PCSK5: variants seen among roughly 807,000 people sequenced by gnomAD.
PCSK5 encodes the protein prohormone convertase 5.
Under a neutral mutation model 233.2 loss-of-function variants are expected in PCSK5, and 129 were observed. The ratio of observed to expected loss-of-function variants is 0.55; its 90% CI spans 0.48 to 0.64. PCSK5 has a LOEUF of 0.64. Among genes scored for constraint, PCSK5 ranks in the 30% least tolerant of loss-of-function variants. The pLI is 0.00. For missense variants in PCSK5, 2,076 were observed against 2,430.1 expected, an observed-to-expected ratio of 0.85 and a Z score of 3.06; for synonymous variants, 825 against 879.2, an observed-to-expected ratio of 0.94 and a Z score of 1.09.
At chr9:75,950,963 T>C (rs1824827609) in intron 2 of PCSK5, among the ~76,000 whole-genome samples, 1 of 152,236 alleles carries the variant, frequency 6.6e-6, no homozygotes, top group Non-Finnish European at 1.5e-5. Context: ...TGTATGATTA[T>C]AGGCAAAGCA....
Position 76,264,374 on chromosome 9 carries a change from G to A in PCSK5, c.3142+23690G>A, listed in dbSNP as rs184860233. On this transcript the variant is annotated intron_variant, in intron 24 of 37. Transcript: ENST00000674117. Reference sequence around the variant, plus strand: ...AAAATCCTAGAAGAAAACCTAGGAAGCAACATTCTGGATATGGGTCTTGGG... The same window carrying A: ...AAAATCCTAGAAGAAAACCTAGGAAACAACATTCTGGATATGGGTCTTGGG... Among the ~76,000 whole-genome samples, 1,034 of 152,168 alleles carry A rather than the reference G, an allele frequency of 6.8e-3. 9 individuals carry two copies. The highest frequency in any genetic ancestry group is 8.8e-3 in the Non-Finnish European group (601 of 67,950).
intron 10 of PCSK5, among the ~76,000 whole-genome samples, chr9:76,156,668 G>A (rs1424502830): frequency 1.3e-5 from 2 of 152,242 alleles, no homozygotes; most frequent in Non-Finnish European, 2.9e-5. Flanking sequence ...AGTTCGACCA[G>A]TGACTTGCTA....
chr9:76,047,153 A>C (rs957568165), intron 5 of PCSK5, among the ~76,000 whole-genome samples: 1 of 150,824 alleles, frequency 6.6e-6, no homozygotes, highest in Non-Finnish European at 1.5e-5. Flanking sequence ...CTGGAGTGCA[A>C]TGGTGAGATC....
intron 7 of PCSK5, among the ~76,000 whole-genome samples, chr9:76,074,742 A>G (rs1455714682): frequency 6.6e-6 from 1 of 152,238 alleles, no homozygotes; most frequent in African/African-American, 2.4e-5. Context: ...GATAATGCAT[A>G]TAAAGCAACT....
chr9:76,034,512 TTCC>T (rs747006911), intron 5 of PCSK5, among the ~76,000 whole-genome samples: 1 of 152,136 alleles, frequency 6.6e-6, no homozygotes, highest in Non-Finnish European at 1.5e-5. Context: ...CCTCCTCTTC[TTCC>T]TCCTCCTCCA....
intron 29 of PCSK5, among the ~76,000 whole-genome samples, chr9:76,310,162 C>T (rs1346400287): frequency 3.3e-5 from 5 of 151,544 alleles, no homozygotes; most frequent in African/African-American, 9.7e-5. Context: ...GTAGGAGAAT[C>T]GCTTGAACCC....
At chr9:75,974,284 C>T (rs973265443) in intron 2 of PCSK5, among the ~76,000 whole-genome samples, 6 of 152,172 alleles carry the variant, frequency 3.9e-5, no homozygotes, top group African/African-American at 1.2e-4. Context: ...CCGGTGCACT[C>T]ATTCATCAGG....
Position 76,208,554 on chromosome 9 carries a change from G to A in PCSK5, c.2626+18808G>A, listed in dbSNP as rs1029210134. On this transcript the variant is annotated intron_variant, in intron 20 of 37. Coordinates refer to ENST00000674117, the MANE Select transcript of PCSK5 (RefSeq NM_001372043.1). ...TCATTGAGACCTTTTATGATTTATA[G>A]TTTCAGAATTTTATTTTTAGAGCCT... is the stretch of plus-strand genomic sequence containing the variant. Among the ~76,000 whole-genome samples the A allele has an allele frequency of 5.3e-5, 8 of 152,098 alleles. No homozygotes were observed. The East Asian group carries it at 1.3e-3, about 26-fold the overall frequency.
At chr9:76,228,072 C>T (rs1476760713) in intron 21 of PCSK5, among the ~76,000 whole-genome samples, 1 of 151,734 alleles carries the variant, frequency 6.6e-6, no homozygotes, top group African/African-American at 2.4e-5. Context: ...CGGGTTCAAG[C>T]AATTCTCCTG....
chr9:76,179,133 T>C (rs1823738308), intron 14 of PCSK5, among the ~76,000 whole-genome samples: 1 of 152,208 alleles, frequency 6.6e-6, no homozygotes, highest in Non-Finnish European at 1.5e-5. Flanking sequence ...GCCACAGTAT[T>C]TCAGAGGTAT....
At chr9:75,907,539 G>A (rs75000760) in intron 1 of PCSK5, among the ~76,000 whole-genome samples, 1 of 152,056 alleles carries the variant, frequency 6.6e-6, no homozygotes, top group Admixed American at 6.6e-5. Context: ...TCATTAGCAG[G>A]GTCATTCTTC....
In PCSK5 at chr9:76,361,999, G is replaced by C. The variant is rs1285312458; in HGVS notation, c.*3077G>C. 1 of 152,198 alleles carries C rather than the reference G, an allele frequency of 6.6e-6. No homozygotes were observed. The highest frequency in any genetic ancestry group is 1.5e-5 in the Non-Finnish European group (1 of 68,026). 9.4% of individuals were successfully genotyped at this position (152,198 alleles called of 1,614,324 possible). On this transcript the variant is annotated 3_prime_UTR_variant, in exon 38 of 38. Transcript: ENST00000674117. ...TATGATACACAGTTAAAGATTGGTT[G>C]AGGTTGAGATGAACTTCAATACTAA...
At chr9:76,123,206 A>G (rs1349015266) in intron 9 of PCSK5, among the ~76,000 whole-genome samples, 2 of 152,080 alleles carry the variant, frequency 1.3e-5, no homozygotes, top group African/African-American at 4.8e-5. Flanking sequence ...ATGCTGTTAC[A>G]TCTTTATTTT....
chr9:76,327,412 C>T (rs1385180783), intron 32 of PCSK5, among the ~76,000 whole-genome samples: 1 of 152,152 alleles, frequency 6.6e-6, no homozygotes, highest in Non-Finnish European at 1.5e-5. Context: ...CAGCCCCCGT[C>T]TCTAGTTAAA....
chr9:76,118,351 T>C (rs981255477), intron 9 of PCSK5, among the ~76,000 whole-genome samples: 3 of 149,058 alleles, frequency 2.0e-5, no homozygotes, highest in Non-Finnish European at 4.4e-5. Flanking sequence ...ATTCTGATTA[T>C]ATATACTGTT....
chr9:76,061,118 T>G (rs1227106909), intron 5 of PCSK5, among the ~76,000 whole-genome samples: 1 of 152,088 alleles, frequency 6.6e-6, no homozygotes, highest in African/African-American at 2.4e-5. Context: ...CCATTTTAAG[T>G]AAAACAAAAT....
intron 1 of PCSK5, among the ~76,000 whole-genome samples, chr9:75,903,534 CTGTATG>C (rs565730153): frequency 9.4e-5 from 13 of 137,924 alleles, no homozygotes; most frequent in South Asian, 4.5e-4. Context: ...CTGTCTCTCT[CTGTATG>C]TGTATGTGCA....
chr9:76,108,374 C>G (rs1399114040), intron 9 of PCSK5, among the ~76,000 whole-genome samples: 1 of 152,138 alleles, frequency 6.6e-6, no homozygotes, highest in Non-Finnish European at 1.5e-5. Context: ...AGGGAAAGGC[C>G]CATTCATCTA....
intron 7 of PCSK5, among the ~76,000 whole-genome samples, chr9:76,076,099 A>G (rs537460403): frequency 1.6e-4 from 24 of 152,360 alleles, no homozygotes; most frequent in Non-Finnish European, 2.8e-4. Flanking sequence ...GAACAGAGAC[A>G]TAAATGATAA....
Sources: gnomAD v4.1 joint callset for allele counts (sites outside exome capture counted in the v4.1 genomes callset) on GRCh38, gnomAD v4.1.1 for gene constraint, MANE v1.5 for transcripts, NCBI Gene and HGNC (gene_info 2026-07-23, HGNC 2026-07-21) for gene names.